MSI2: variants seen among roughly 807,000 people sequenced by gnomAD.
The protein encoded by MSI2 is musashi RNA binding protein 2.
In MSI2, 17 loss-of-function variants were observed where a neutral mutation model predicts 45.6. The ratio of observed to expected loss-of-function variants is 0.37; its 90% CI spans 0.26 to 0.56. The LOEUF is 0.56. MSI2 is among the 20% of genes least tolerant of loss of function. MSI2 has a pLI of 0.77. For missense variants in MSI2, 293 were observed against 444.2 expected, an observed-to-expected ratio of 0.66 and a Z score of 3.06; for synonymous variants, 156 against 158.2, an observed-to-expected ratio of 0.99 and a Z score of 0.11.
At chr17:57,470,334 A>G (rs2586222) in intron 6 of MSI2, among the ~76,000 whole-genome samples, 119,920 of 152,060 alleles carry the variant, frequency 0.79, 47,775 homozygotes, top group East Asian at 0.91. Context: ...CTGGAGTGCA[A>G]TGGTGTGATC....
chr17:57,390,886 A>G (rs563831039), intron 5 of MSI2, among the ~76,000 whole-genome samples: 1 of 152,130 alleles, frequency 6.6e-6, no homozygotes, highest in Admixed American at 6.5e-5. Flanking sequence ...TCCTTCTAAC[A>G]TGGTTTCTCA....
intron 6 of MSI2, among the ~76,000 whole-genome samples, chr17:57,406,503 G>T (rs1163298405): frequency 6.6e-6 from 1 of 152,138 alleles, no homozygotes; most frequent in South Asian, 2.1e-4. Flanking sequence ...AGCTGTTCCC[G>T]GGAATGATAG....
At chr17:57,435,815 A>C (rs1287248434) in intron 6 of MSI2, among the ~76,000 whole-genome samples, 1 of 152,140 alleles carries the variant, frequency 6.6e-6, no homozygotes, top group African/African-American at 2.4e-5. Context: ...GTTTTATGTG[A>C]AATTGTCGGA....
chr17:57,599,897 A>C (rs1252590360), intron 8 of MSI2, among the ~76,000 whole-genome samples: 2 of 152,218 alleles, frequency 1.3e-5, no homozygotes, highest in African/African-American at 4.8e-5. Context: ...TACTTAGCAC[A>C]GTGTCTGCAC....
chr17:57,315,469 G>A (rs546723788), intron 5 of MSI2, among the ~76,000 whole-genome samples: 18 of 152,236 alleles, frequency 1.2e-4, no homozygotes, highest in Non-Finnish European at 2.4e-4. Flanking sequence ...GCAGATATGC[G>A]GGTGGAAGAG....
chr17:57,471,276 A>AGTT, intron 6 of MSI2, among the ~76,000 whole-genome samples: 1 of 121,630 alleles, frequency 8.2e-6, no homozygotes, highest in African/African-American at 3.3e-5. Context: ...TTTATGGAGC[A>AGTT]CTTTTTTTTT....
the MSI2 span, among the ~76,000 whole-genome samples, chr17:57,691,196 C>CA: frequency 1.4e-3 from 177 of 130,068 alleles, no homozygotes; most frequent in African/African-American, 4.5e-3. Context: ...CTCTCTCTCT[C>CA]TCTCATCTAT....
intron 6 of MSI2, among the ~76,000 whole-genome samples, chr17:57,463,801 A>C (rs2085277291): frequency 6.9e-6 from 1 of 145,332 alleles, no homozygotes; most frequent in Non-Finnish European, 1.5e-5. Flanking sequence ...CCTACCCTCC[A>C]ACACCAGTTC....
At chr17:57,446,278 G>A (rs1203148279) in intron 6 of MSI2, among the ~76,000 whole-genome samples, 1 of 152,120 alleles carries the variant, frequency 6.6e-6, no homozygotes, top group Non-Finnish European at 1.5e-5. Context: ...GGAGCTTTGT[G>A]ACTTCAGGGA....
chr17:57,632,118 TCA>T lies in MSI2; in HGVS notation c.727+4818_727+4819del, dbSNP rs1018976200. ...TGTAACGGGGCCAGAGGGAAACTTCTCACAAACTTCGTAGAGCCTCCTCAGGG... is the reference window on the plus strand; with the variant it reads ...TGTAACGGGGCCAGAGGGAAACTTCTCAAACTTCGTAGAGCCTCCTCAGGG... On this transcript the variant is annotated intron_variant, in intron 10 of 13. Coordinates refer to ENST00000284073, the MANE Select transcript of MSI2 (RefSeq NM_138962.4). The T allele has an allele frequency of 4.2e-5, 52 of 1,237,368 alleles. No individual in the cohort carries two copies. The African/African-American group carries it at 7.8e-4, about 19-fold the overall frequency. The allele number at this position is 1,237,368 out of a possible 1,614,324, so 76.6% of individuals were successfully genotyped here.
At chr17:57,666,699 C>T (rs943167584) in intron 11 of MSI2, among the ~76,000 whole-genome samples, 1 of 152,200 alleles carries the variant, frequency 6.6e-6, no homozygotes, top group African/African-American at 2.4e-5. Flanking sequence ...AGTGCAATCA[C>T]TTATAAGACA....
chr17:57,257,128 G>C lies in MSI2; in HGVS notation c.93G>C (p.Gln31His), dbSNP rs750873791. The change falls in exon 2 of 14, where the codon CAG (glutamine) becomes CAC (histidine). Residue 31 changes from glutamine (Q) to histidine (H), a missense_variant. Transcript: ENST00000284073. ...TGTTTATCGGTGGACTGAGCTGGCA[G>C]ACCTCACCAGGTAAGGGAGGGAGGG... ...GKMFIGGLSWQTSPDSLRDYF... is the reference protein window; with the variant it reads ...GKMFIGGLSWHTSPDSLRDYF... 3.4e-6 allele frequency: 2 copies of C among 585,928 alleles called. No homozygotes were observed. The highest frequency in any genetic ancestry group is 5.9e-5 in the East Asian group (1 of 16,932). The allele number at this position is 585,928 out of a possible 1,614,324, so 36.3% of individuals were successfully genotyped here. A position where few individuals can be genotyped will look rare whatever the true frequency, so the allele number is the denominator to read the frequency against.
At chr17:57,480,716 C>G (rs980718123) in intron 6 of MSI2, among the ~76,000 whole-genome samples, 3 of 152,176 alleles carry the variant, frequency 2.0e-5, no homozygotes, top group Non-Finnish European at 4.4e-5. Flanking sequence ...CTCAGAATTG[C>G]CACCTTCTAC....
chr17:57,367,339 TA>T (rs1917268502), intron 5 of MSI2, among the ~76,000 whole-genome samples: 1 of 152,222 alleles, frequency 6.6e-6, no homozygotes, highest in Admixed American at 6.5e-5. Context: ...AGTGGAATAT[TA>T]ACTCAGTAGA....
intron 6 of MSI2, among the ~76,000 whole-genome samples, chr17:57,462,795 A>G (rs1451674916): frequency 6.6e-6 from 1 of 152,234 alleles, no homozygotes; most frequent in Non-Finnish European, 1.5e-5. Context: ...GTAATGTGGC[A>G]GAGGCCTCTG....
chr17:57,469,054 T>C lies in MSI2; in HGVS notation c.406-60622T>C, dbSNP rs572177255. Among the ~76,000 whole-genome samples, 14 of 152,286 alleles carry C rather than the reference T, an allele frequency of 9.2e-5. No individual in the cohort carries two copies. The East Asian group carries it at 2.5e-3, about 27-fold the overall frequency. On this transcript the variant is annotated intron_variant, in intron 6 of 13. Transcript: ENST00000284073. ...CCAGCTCTCACCTTCGTTTCTGCCC[T>C]GGAGAAAGGCTGCTTTCAAGTTGGT...
intron 5 of MSI2, 115 bp downstream of exon 5, chr17:57,262,307 G>T: frequency 8.7e-7 from 1 of 1,148,916 alleles, no homozygotes; most frequent in Non-Finnish European, 1.3e-6. Flanking sequence ...CTGTTCCTTC[G>T]GGGTATCAGG....
intron 5 of MSI2, among the ~76,000 whole-genome samples, chr17:57,363,652 T>C (rs1445907741): frequency 1.3e-5 from 2 of 152,092 alleles, no homozygotes; most frequent in African/African-American, 2.4e-5. Context: ...GGGATGAGAA[T>C]TGCTTGAGCC....
At chr17:57,543,870 T>C (rs1323833490) in intron 7 of MSI2, among the ~76,000 whole-genome samples, 2 of 152,242 alleles carry the variant, frequency 1.3e-5, no homozygotes, top group East Asian at 3.8e-4. Context: ...TTTAGAACTC[T>C]AGCTTTTAAT....
Sources: gnomAD v4.1 joint callset for allele counts (sites outside exome capture counted in the v4.1 genomes callset) on GRCh38, gnomAD v4.1.1 for gene constraint, MANE v1.5 for transcripts, NCBI Gene and HGNC (gene_info 2026-07-23, HGNC 2026-07-21) for gene names.